Variants in TAFA2 observed in about 807,000 individuals in gnomAD.
TAFA2 encodes the protein chemokine-like protein TAFA-2.
Under a neutral mutation model 18.8 loss-of-function variants are expected in TAFA2, and 7 were observed. That is an observed-to-expected ratio of 0.37 (90% CI 0.21 to 0.70). The LOEUF (loss-of-function observed/expected upper bound fraction) is 0.70. TAFA2 is among the 30% of genes least tolerant of loss of function. The pLI is 0.53. For missense variants in TAFA2, 122 were observed against 158.1 expected, an observed-to-expected ratio of 0.77 and a Z score of 1.23; for synonymous variants, 60 against 54.2, an observed-to-expected ratio of 1.11 and a Z score of -0.47.
chr12:62,113,428 C>A (rs1324982903), intron 1 of TAFA2, among the ~76,000 whole-genome samples: 3 of 152,164 alleles, frequency 2.0e-5, no homozygotes, highest in Non-Finnish European at 4.4e-5. Flanking sequence ...TCGACCCCTG[C>A]TGAGAAGTGT....
chr12:62,119,840 G>A lies in TAFA2; in HGVS notation c.-2+71419C>T, dbSNP rs149668598. ...TATAATCCCAGCATTTTGGGAGGCC[G>A]AGACGGTTGGATCACCAGAGGTCAG... is the stretch of plus-strand genomic sequence containing the variant. On this transcript the variant is annotated intron_variant, in intron 1 of 4. Coordinates refer to ENST00000416284, the MANE Select transcript of TAFA2 (RefSeq NM_178539.5). Among the ~76,000 whole-genome samples, 225 of 152,176 alleles carry A rather than the reference G, an allele frequency of 1.5e-3. 1 individual carries two copies. The highest frequency in any genetic ancestry group is 4.6e-3 in the African/African-American group (192 of 41,520).
chr12:61,981,832 A>T (rs545885552), intron 1 of TAFA2, among the ~76,000 whole-genome samples: 2 of 151,398 alleles, frequency 1.3e-5, no homozygotes, highest in East Asian at 3.9e-4. Context: ...AGGATGTCCC[A>T]CTGTTGGTGG....
chr12:61,984,334 A>G (rs796606480), intron 1 of TAFA2, among the ~76,000 whole-genome samples: 23 of 152,356 alleles, frequency 1.5e-4, no homozygotes, highest in African/African-American at 5.1e-4. Context: ...AAGGATACAG[A>G]TGAGTAAGCT....
intron 1 of TAFA2, among the ~76,000 whole-genome samples, chr12:62,137,214 T>C (rs947840021): frequency 6.6e-6 from 1 of 152,136 alleles, no homozygotes; most frequent in African/African-American, 2.4e-5. Context: ...GGGAACATAT[T>C]TACAGTTCAT....
chr12:61,969,993 A>G (rs1879192779), intron 1 of TAFA2, among the ~76,000 whole-genome samples: 1 of 151,716 alleles, frequency 6.6e-6, no homozygotes, highest in Non-Finnish European at 1.5e-5. Context: ...TGGACTATTA[A>G]GGAGCTTGAC....
At chr12:62,018,261 A>C (rs565565455) in intron 1 of TAFA2, among the ~76,000 whole-genome samples, 1 of 152,334 alleles carries the variant, frequency 6.6e-6, no homozygotes, top group East Asian at 1.9e-4. Context: ...ACATACTGGA[A>C]TAACAATCAT....
At chr12:62,165,061 A>AT (rs1182807147) in intron 1 of TAFA2, among the ~76,000 whole-genome samples, 3 of 152,046 alleles carry the variant, frequency 2.0e-5, no homozygotes, top group Non-Finnish European at 2.9e-5. Context: ...GGGGAAAATC[A>AT]TTTTTTCAAT....
chr12:61,916,034 G>T (rs1351099789), intron 1 of TAFA2, among the ~76,000 whole-genome samples: 1 of 152,136 alleles, frequency 6.6e-6, no homozygotes, highest in Admixed American at 6.5e-5. Flanking sequence ...TAGAGGACAT[G>T]GGTTACTTTG....
intron 1 of TAFA2, among the ~76,000 whole-genome samples, chr12:61,883,815 A>G (rs1875252128): frequency 6.6e-6 from 1 of 152,168 alleles, no homozygotes; most frequent in Admixed American, 6.5e-5. Context: ...CATCTATGAA[A>G]TAAAAAAATA....
intron 2 of TAFA2, among the ~76,000 whole-genome samples, chr12:61,821,206 C>CTG (rs1321901694): frequency 1.3e-5 from 2 of 151,470 alleles, no homozygotes; most frequent in African/African-American, 4.9e-5. Context: ...ACCATCTACA[C>CTG]TAATTGCTGT....
chr12:62,011,761 A>AG (rs1880776948), intron 1 of TAFA2, among the ~76,000 whole-genome samples: 1 of 129,628 alleles, frequency 7.7e-6, no homozygotes, highest in African/African-American at 2.8e-5. Context: ...TAAAAAAAAA[A>AG]AAAAAAAAGA....
chr12:62,233,933 G>A (rs2062823919), intron 1 of TAFA2, among the ~76,000 whole-genome samples: 2 of 152,200 alleles, frequency 1.3e-5, no homozygotes, highest in Non-Finnish European at 2.9e-5. Flanking sequence ...AGCCAAGGCT[G>A]TGGGCTTCTC....
chr12:61,805,330 C>T (rs7957748), intron 2 of TAFA2, among the ~76,000 whole-genome samples: 75,512 of 151,748 alleles, frequency 0.5, 18,905 homozygotes, highest in Admixed American at 0.56. Context: ...CTGTGCCACA[C>T]ACCAGTGAGA....
At chr12:61,968,296 C>T (rs1326447565) in intron 1 of TAFA2, among the ~76,000 whole-genome samples, 1 of 151,606 alleles carries the variant, frequency 6.6e-6, no homozygotes, top group South Asian at 2.1e-4. Flanking sequence ...CCATTAAAAC[C>T]CTGTCAGTAT....
rs1480569924 is a variant in TAFA2, at chr12:61,973,873, G to T, written c.-1-106447C>A. The stretch of plus-strand genomic sequence containing the variant: ...TTGTTGTTCTTTAAAGTTCCAAAAT[G>T]CAGCCAAGTTTGAGAACCAGTGCTT... On this transcript the variant is annotated intron_variant, in intron 1 of 4. Coordinates refer to ENST00000416284, the MANE Select transcript of TAFA2 (RefSeq NM_178539.5). 2.6e-5 allele frequency among the ~76,000 whole-genome samples: 4 copies of T among 151,792 alleles called. No homozygotes were observed. The East Asian group carries it at 7.8e-4, about 30-fold the overall frequency.
chr12:61,744,289 T>C (rs1308924063), intron 4 of TAFA2, among the ~76,000 whole-genome samples: 11 of 152,112 alleles, frequency 7.2e-5, no homozygotes, highest in Non-Finnish European at 1.5e-5. Context: ...AAGCACAACA[T>C]TTGGAGTAAC....
intron 1 of TAFA2, among the ~76,000 whole-genome samples, chr12:62,133,415 C>G (rs1177319496): frequency 6.6e-6 from 1 of 151,914 alleles, no homozygotes; most frequent in African/African-American, 2.4e-5. Context: ...TTCTGGAACC[C>G]TCTTTCCTTT....
chr12:61,802,224 A>G (rs938283417), intron 2 of TAFA2, among the ~76,000 whole-genome samples: 1 of 152,054 alleles, frequency 6.6e-6, no homozygotes, highest in African/African-American at 2.4e-5. Context: ...CTGAAAATAG[A>G]GCTACCATAT....
chr12:62,062,202 C>G (rs1216794658), intron 1 of TAFA2, among the ~76,000 whole-genome samples: 1 of 152,112 alleles, frequency 6.6e-6, no homozygotes, highest in Non-Finnish European at 1.5e-5. Context: ...AAACATAAAA[C>G]TCCCTTACCT....
Sources: allele counts gnomAD v4.1 joint callset (sites outside exome capture counted in the v4.1 genomes callset), GRCh38; gene constraint gnomAD v4.1.1; transcripts MANE v1.5; gene names NCBI Gene and HGNC (gene_info 2026-07-23, HGNC 2026-07-21).